DACH2: variants seen among roughly 807,000 people sequenced by gnomAD.
DACH2 encodes the protein dachshund family transcription factor 2, also known as dachshund homolog 2.
DACH2 carries 17 observed loss-of-function variants against 35.8 expected under a neutral mutation model. The observed-to-expected ratio is 0.48, with a 90% CI of 0.33 to 0.71. The LOEUF (loss-of-function observed/expected upper bound fraction) is 0.71, where lower values mean the gene tolerates loss of function less well. Among genes scored for constraint, DACH2 ranks in the 30% least tolerant of loss-of-function variants. The pLI, the probability that DACH2 is intolerant of heterozygous loss-of-function variation, is 0.02. For synonymous variants in DACH2, 195 were observed against 177.3 expected (o/e 1.10, Z -0.79); for missense variants, 469 against 472.7 (o/e 0.99, Z 0.07).
chrX:86,749,801 G>A (rs916763525), intron 7 of DACH2, among the ~76,000 whole-genome samples: 2 of 111,363 alleles, frequency 1.8e-5, no homozygotes, highest in Non-Finnish European at 3.8e-5. Flanking sequence ...GCAAAGAACA[G>A]GGTATGCCTG....
At chrX:86,537,427 C>T (rs188067833) in intron 3 of DACH2, among the ~76,000 whole-genome samples, 5 of 111,338 alleles carry the variant, frequency 4.5e-5, no homozygotes, top group South Asian at 3.8e-4. Context: ...TGATGAATAA[C>T]CTCTGGCTTT....
chrX:86,687,002 C>T (rs1484945793), intron 4 of DACH2, among the ~76,000 whole-genome samples: 1 of 112,148 alleles, frequency 8.9e-6, no homozygotes, highest in Non-Finnish European at 1.9e-5. Flanking sequence ...AACATATTAG[C>T]CCTATTTTTA....
chrX:86,709,145 A>G, intron 5 of DACH2, among the ~76,000 whole-genome samples: 1 of 111,901 alleles, frequency 8.9e-6, no homozygotes, highest in Non-Finnish European at 1.9e-5. Context: ...ACCATACTTC[A>G]TTATTTACTG....
At chrX:86,415,082 C>T (rs1363813552) in intron 2 of DACH2, among the ~76,000 whole-genome samples, 1 of 111,670 alleles carries the variant, frequency 9.0e-6, no homozygotes, top group East Asian at 2.8e-4. Flanking sequence ...CTTTGACAAC[C>T]ATATCAAGTG....
intron 3 of DACH2, among the ~76,000 whole-genome samples, chrX:86,527,095 G>A (rs2030136352): frequency 9.0e-6 from 1 of 111,297 alleles, no homozygotes; most frequent in Admixed American, 9.6e-5. Context: ...TTCTCATATA[G>A]CACCAATATT....
intron 3 of DACH2, among the ~76,000 whole-genome samples, chrX:86,599,233 G>A (rs1202846665): frequency 9.0e-6 from 1 of 110,739 alleles, no homozygotes; most frequent in East Asian, 2.9e-4. Flanking sequence ...CCTTTCTAGG[G>A]GAAAAACCTG....
At chrX:86,369,791 A>G (rs1006736969) in intron 1 of DACH2, among the ~76,000 whole-genome samples, 10 of 111,592 alleles carry the variant, frequency 9.0e-5, no homozygotes, top group African/African-American at 2.9e-4. Flanking sequence ...ATAAGTTTGG[A>G]CTTATAAAGT....
intron 3 of DACH2, among the ~76,000 whole-genome samples, chrX:86,599,708 A>C (rs919809569): frequency 2.8e-4 from 31 of 109,556 alleles, no homozygotes; most frequent in Admixed American, 2.1e-3. Flanking sequence ...GTTACCCCGG[A>C]TGGTCTTGAA....
Position 86,588,134 on chromosome X carries a change from C to G in DACH2, c.641-62902C>G, listed in dbSNP as rs1311968359. On this transcript the variant is annotated intron_variant, in intron 3 of 11. Coordinates refer to ENST00000373125, the MANE Select transcript of DACH2 (RefSeq NM_053281.3). The stretch of plus-strand genomic sequence containing the variant: ...CATTTATTAAATAGGTAGTCATTTT[C>G]CTGTTGTTTATTTTTGTTGACTTTG... Among the ~76,000 whole-genome samples, 5 of 110,856 alleles carry G rather than the reference C, an allele frequency of 4.5e-5. No individual in the cohort carries two copies. In the Admixed American group the frequency reaches 4.8e-4, roughly 11 times the overall value.
intron 2 of DACH2, among the ~76,000 whole-genome samples, chrX:86,392,501 A>G (rs2036220505): frequency 8.9e-6 from 1 of 111,981 alleles, no homozygotes; most frequent in Non-Finnish European, 1.9e-5. Context: ...GGTTTTGTGG[A>G]GGATAATAAG....
rs188248259 is a variant in DACH2, at chrX:86,655,253, A to G, written c.772+4086A>G. ...GACAGCTAGATCTTGGAGAAACATT[A>G]AAACTTTGTTCACAAAATAAGTACT... On this transcript the variant is annotated intron_variant, in intron 4 of 11. Coordinates refer to ENST00000373125, the MANE Select transcript of DACH2 (RefSeq NM_053281.3). 4.5e-5 allele frequency among the ~76,000 whole-genome samples: 5 copies of G among 112,096 alleles called. No homozygotes were observed. The Admixed American group carries it at 4.7e-4, about 11-fold the overall frequency.
chrX:86,629,184 G>T (rs999730485), intron 3 of DACH2, among the ~76,000 whole-genome samples: 1 of 111,059 alleles, frequency 9.0e-6, no homozygotes, highest in African/African-American at 3.3e-5. Context: ...TGCATTTCTG[G>T]GCTAACTAGG....
At chrX:86,326,261 G>A (rs1311642855) in intron 1 of DACH2, among the ~76,000 whole-genome samples, 1 of 110,349 alleles carries the variant, frequency 9.1e-6, no homozygotes. Flanking sequence ...TGAATCACGA[G>A]GTCAGGAGTT....
At chrX:86,270,235 T>C (rs1037725713) in intron 1 of DACH2, among the ~76,000 whole-genome samples, 2 of 109,356 alleles carry the variant, frequency 1.8e-5, no homozygotes, top group African/African-American at 6.6e-5. Context: ...CAGAACCTAG[T>C]TCTTCTGATT....
chrX:86,827,006 AC>A (rs2042568344), intron 11 of DACH2, among the ~76,000 whole-genome samples: 1 of 112,090 alleles, frequency 8.9e-6, no homozygotes, highest in African/African-American at 3.2e-5. Flanking sequence ...CCTAAAGTAC[AC>A]CTGTGTGAAT....
chrX:86,428,927 T>G (rs1206661464), intron 2 of DACH2, among the ~76,000 whole-genome samples: 1 of 111,425 alleles, frequency 9.0e-6, no homozygotes, highest in Non-Finnish European at 1.9e-5. Context: ...AGGACTTAAC[T>G]GCAATAAAAT....
chrX:86,259,968 A>G (rs2033595435), intron 1 of DACH2, among the ~76,000 whole-genome samples: 1 of 111,268 alleles, frequency 9.0e-6, no homozygotes, highest in Non-Finnish European at 1.9e-5. Flanking sequence ...TTTTTTAGAA[A>G]TATCAGTATC....
intron 1 of DACH2, among the ~76,000 whole-genome samples, chrX:86,233,512 G>A (rs139060253): frequency 8.9e-6 from 1 of 111,839 alleles, no homozygotes; most frequent in Non-Finnish European, 1.9e-5. Context: ...TTTCCAGGTT[G>A]GGACTTGAAA....
chrX:86,447,061 C>T (rs1317815765), intron 2 of DACH2, among the ~76,000 whole-genome samples: 360 of 78,260 alleles, frequency 4.6e-3, no homozygotes, highest in African/African-American at 0.017. Context: ...ATGAGCATTT[C>T]TTCATGTGTT....
Sources: gnomAD v4.1 joint callset for allele counts (sites outside exome capture counted in the v4.1 genomes callset) on GRCh38, gnomAD v4.1.1 for gene constraint, MANE v1.5 for transcripts, NCBI Gene and HGNC (gene_info 2026-07-23, HGNC 2026-07-21) for gene names.